The following STOX2 variants were observed in gnomAD, a reference collection of about 807,000 sequenced individuals.
STOX2 encodes storkhead-box protein 2.
STOX2 carries 28 observed loss-of-function variants against 60.9 expected under a neutral mutation model. The observed-to-expected ratio is 0.46, with a 90% CI of 0.34 to 0.63. The LOEUF (loss-of-function observed/expected upper bound fraction) is 0.63, where lower values mean the gene tolerates loss of function less well. Ranked by LOEUF, STOX2 falls within the 30% of genes least tolerant of loss-of-function variation. The pLI is 0.01. For synonymous variants in STOX2, 472 were observed against 463.9 expected (o/e 1.02, Z -0.22); for missense variants, 1,024 against 1,187.7 (o/e 0.86, Z 2.03).
intron 1 of STOX2, among the ~76,000 whole-genome samples, chr4:183,908,498 C>G (rs1741680848): frequency 6.6e-6 from 1 of 152,006 alleles, no homozygotes; most frequent in South Asian, 2.1e-4. Context: ...GTCCTGACAC[C>G]AACTGTGAAG....
chr4:183,969,666 T>TG (rs1404878778), intron 1 of STOX2, among the ~76,000 whole-genome samples: 1 of 150,698 alleles, frequency 6.6e-6, no homozygotes, highest in Non-Finnish European at 1.5e-5. Context: ...TCACCCAAGC[T>TG]GGAGTGCAGT....
Position 184,001,494 on chromosome 4 carries a change from G to A in STOX2, c.319+17G>A, listed in dbSNP as rs769204016. The A allele has an allele frequency of 1.4e-5, 22 of 1,612,506 alleles. No individual in the cohort carries two copies. Among genetic ancestry groups the A allele is most frequent in the East Asian group, 1.1e-4 (5 of 44,882 alleles). ...GCTTCCCAGGTAACGAGGCGGGAAC[G>A]TAGCACTTTCCAGGTGGCGGTGTGC... On this transcript the variant is annotated intron_variant, in intron 2 of 3. Transcript: ENST00000308497. This position sits in a 1 kb window ranked among gnomAD's most constrained non-coding sequence, Gnocchi z 4.2.
chr4:183,907,190 A>G (rs1371298254), intron 1 of STOX2, among the ~76,000 whole-genome samples: 1 of 152,106 alleles, frequency 6.6e-6, no homozygotes. Flanking sequence ...AGGGGGGACG[A>G]GCCGGGCGTT....
At chr4:183,988,084 C>A (rs1051095216) in intron 1 of STOX2, among the ~76,000 whole-genome samples, 1 of 140,976 alleles carries the variant, frequency 7.1e-6, no homozygotes, top group African/African-American at 2.5e-5. Flanking sequence ...GGAGAGTGTG[C>A]CCCTCGCCAC....
chr4:183,833,842 C>G (rs1476713637), intron 1 of STOX2, among the ~76,000 whole-genome samples: 2 of 151,228 alleles, frequency 1.3e-5, no homozygotes, highest in East Asian at 3.9e-4. Flanking sequence ...ATTAGCCGGG[C>G]GTGGTGGCAG....
At chr4:183,893,946 A>G in intron 1 of STOX2, among the ~76,000 whole-genome samples, 1 of 152,176 alleles carries the variant, frequency 6.6e-6, no homozygotes, top group East Asian at 1.9e-4. Flanking sequence ...GAGCCCAGGA[A>G]TTTGAGACCA....
intron 1 of STOX2, among the ~76,000 whole-genome samples, chr4:183,884,353 G>T (rs1280702115): frequency 1.3e-5 from 2 of 151,760 alleles, no homozygotes; most frequent in African/African-American, 4.8e-5. Flanking sequence ...GAGCTCCTAG[G>T]GTCCGGTTTA....
intron 1 of STOX2, among the ~76,000 whole-genome samples, chr4:183,854,473 A>T (rs888479115): frequency 1.4e-4 from 21 of 152,166 alleles, no homozygotes; most frequent in Non-Finnish European, 2.9e-4. Flanking sequence ...GAGATATTAG[A>T]CCTGAACTCC....
intron 1 of STOX2, among the ~76,000 whole-genome samples, chr4:183,971,839 G>A (rs1213489824): frequency 1.3e-5 from 2 of 152,190 alleles, no homozygotes; most frequent in South Asian, 2.1e-4. Context: ...TTCTTCTTCC[G>A]AGCAAGAGGG....
At chr4:183,899,163 G>A (rs1174599688) in intron 1 of STOX2, among the ~76,000 whole-genome samples, 3 of 152,142 alleles carry the variant, frequency 2.0e-5, no homozygotes, top group South Asian at 2.1e-4. Context: ...AACTTGATCC[G>A]TAAGTGTTGT....
At chr4:183,956,593 C>A (rs907632359) in intron 1 of STOX2, among the ~76,000 whole-genome samples, 4 of 152,126 alleles carry the variant, frequency 2.6e-5, no homozygotes, top group African/African-American at 9.7e-5. Flanking sequence ...AGAGCAAGGA[C>A]ATTCTCTTAC....
At chr4:183,905,142 TG>T (rs1741551056), upstream of STOX2, among the ~76,000 whole-genome samples, 1 of 152,182 alleles carries the variant, frequency 6.6e-6, no homozygotes, top group South Asian at 2.1e-4. Context: ...GTGCAAAGCG[TG>T]GTCGGGGTTA....
intron 1 of STOX2, among the ~76,000 whole-genome samples, chr4:183,840,592 G>A (rs1388512411): frequency 2.0e-5 from 3 of 152,140 alleles, no homozygotes; most frequent in African/African-American, 7.2e-5. Context: ...GCTGTATTTT[G>A]ACTGCATAAA....
rs748013023 is a variant in STOX2 at position 184,010,596 on chromosome 4, C to A, written c.1758C>A (p.Gly586=). ...CACCCGAGAGTTTGCCATCCTATGG[C>A]GAACTCAACTCTTGTCCAACAAAAA... The part of the protein sequence containing the change: ...GKPPESLPSY[G]ELNSCPTKTA... Residue 586 remains glycine, a synonymous_variant, in exon 3 of 4, where the codon GGC becomes GGA. Coordinates refer to ENST00000308497, the MANE Select transcript of STOX2 (RefSeq NM_020225.3). This position sits in a 1 kb window ranked among gnomAD's most constrained non-coding sequence, Gnocchi z 4.5. 3.1e-6 allele frequency: 5 copies of A among 1,613,970 alleles called. No homozygotes were observed. Among genetic ancestry groups the A allele is most frequent in the Non-Finnish European group, 4.2e-6 (5 of 1,179,878 alleles).
intron 1 of STOX2, among the ~76,000 whole-genome samples, chr4:183,900,016 T>C (rs1277605359): frequency 1.3e-5 from 2 of 152,170 alleles, no homozygotes; most frequent in African/African-American, 4.8e-5. Context: ...TTAAGACCTT[T>C]AAGAATAATG....
chr4:183,814,463 G>A (rs1344159510), intron 1 of STOX2, among the ~76,000 whole-genome samples: 1 of 152,214 alleles, frequency 6.6e-6, no homozygotes, highest in Non-Finnish European at 1.5e-5. Flanking sequence ...AAGACACTGA[G>A]CTTAGAGAGG....
intron 1 of STOX2, among the ~76,000 whole-genome samples, chr4:183,963,688 A>C (rs1253525192): frequency 6.6e-6 from 1 of 151,436 alleles, no homozygotes; most frequent in Non-Finnish European, 1.5e-5. Flanking sequence ...GGCCTCCCAA[A>C]GTGCTGGGAT....
intron 1 of STOX2, among the ~76,000 whole-genome samples, chr4:183,962,668 G>A (rs1320434793): frequency 1.3e-5 from 2 of 152,140 alleles, no homozygotes; most frequent in African/African-American, 2.4e-5. Flanking sequence ...ATGCAGTATT[G>A]TAGTGTTTTT....
At chr4:184,007,062 G>T (rs796754422) in intron 2 of STOX2, among the ~76,000 whole-genome samples, 34 of 148,592 alleles carry the variant, frequency 2.3e-4, no homozygotes, top group African/African-American at 8.4e-4. Flanking sequence ...TGTTATTATT[G>T]GTCTTAAAAT....
Sources: allele counts gnomAD v4.1 joint callset (sites outside exome capture counted in the v4.1 genomes callset), GRCh38; gene constraint gnomAD v4.1.1; non-coding constraint Gnocchi (gnomAD v3.1); transcripts MANE v1.5; gene names NCBI Gene and HGNC (gene_info 2026-07-23, HGNC 2026-07-21).